The following UTRN variants were observed in gnomAD, a reference collection of about 807,000 sequenced individuals.
UTRN encodes the protein dystrophin-related protein 1.
Under a neutral mutation model 463.9 loss-of-function variants are expected in UTRN, and 283 were observed. The ratio of observed to expected loss-of-function variants is 0.61; its 90% CI spans 0.55 to 0.67. The LOEUF is 0.67. UTRN is among the 30% of genes least tolerant of loss of function. The pLI, the probability that UTRN is intolerant of heterozygous loss-of-function variation, is 0.00. For missense variants in UTRN, 3,922 were observed against 4,084.3 expected, an observed-to-expected ratio of 0.96 and a Z score of 1.08; for synonymous variants, 1,442 against 1,431.5, an observed-to-expected ratio of 1.01 and a Z score of -0.17.
chr6:144,673,814 A>G (rs1001765286), intron 51 of UTRN, among the ~76,000 whole-genome samples: 1 of 152,136 alleles, frequency 6.6e-6, no homozygotes, highest in Non-Finnish European at 1.5e-5. Flanking sequence ...AGCACCTTTT[A>G]TGATTTCTCG....
At chr6:144,439,723 G>C (rs1383635730) in intron 12 of UTRN, among the ~76,000 whole-genome samples, 1 of 152,098 alleles carries the variant, frequency 6.6e-6, no homozygotes, top group African/African-American at 2.4e-5. Context: ...GGCTGGTCTT[G>C]AACTCCTGAC....
chr6:144,636,911 T>C (rs1777232726), intron 51 of UTRN, among the ~76,000 whole-genome samples: 2 of 152,202 alleles, frequency 1.3e-5, no homozygotes, highest in South Asian at 4.1e-4. Context: ...GTTTTTTTTA[T>C]TGGTAACTAT....
intron 33 of UTRN, among the ~76,000 whole-genome samples, chr6:144,498,535 T>C (rs1362253279): frequency 6.6e-6 from 1 of 152,232 alleles, no homozygotes; most frequent in African/African-American, 2.4e-5. Context: ...TATAATACCG[T>C]ATTTTTCCTT....
At chr6:144,783,602 A>T (rs1015162402) in intron 61 of UTRN, among the ~76,000 whole-genome samples, 3 of 152,160 alleles carry the variant, frequency 2.0e-5, no homozygotes, top group African/African-American at 7.2e-5. Context: ...CCTCTGTTCT[A>T]TCTTTTGAAC....
intron 71 of UTRN, 143 bp from the exon 72 acceptor site, chr6:144,839,029 TA>T: frequency 1.7e-6 from 1 of 583,812 alleles, no homozygotes; most frequent in Non-Finnish European, 2.9e-6. Flanking sequence ...AAGCTGATGC[TA>T]AAATGTATGG....
At chr6:144,623,772 C>T (rs1301692949) in intron 51 of UTRN, among the ~76,000 whole-genome samples, 1 of 152,158 alleles carries the variant, frequency 6.6e-6, no homozygotes, top group Non-Finnish European at 1.5e-5. Flanking sequence ...CTTCATTCAA[C>T]AACAGGTTCT....
At chr6:144,431,382 G>A (rs1785825593) in intron 9 of UTRN, among the ~76,000 whole-genome samples, 1 of 152,188 alleles carries the variant, frequency 6.6e-6, no homozygotes, top group Admixed American at 6.5e-5. Flanking sequence ...TCATTTGCAA[G>A]CTTTCATTAG....
chr6:144,545,140 G>A (rs1463295699), intron 46 of UTRN, among the ~76,000 whole-genome samples: 2 of 152,090 alleles, frequency 1.3e-5, no homozygotes, highest in Non-Finnish European at 2.9e-5. Context: ...TCAGCAAGTA[G>A]CATCATTTCC....
At chr6:144,741,091 A>T (rs1239825737) in intron 54 of UTRN, among the ~76,000 whole-genome samples, 1 of 152,252 alleles carries the variant, frequency 6.6e-6, no homozygotes, top group Non-Finnish European at 1.5e-5. Context: ...GAAAACTGGA[A>T]TCTTCCAAGA....
chr6:144,529,057 A>G (rs1796808220), intron 41 of UTRN, among the ~76,000 whole-genome samples: 1 of 152,120 alleles, frequency 6.6e-6, no homozygotes, highest in Non-Finnish European at 1.5e-5. Flanking sequence ...GCTGCATCAC[A>G]CAGGTTGCCA....
At chr6:144,297,686 A>G (rs1804854068) in intron 2 of UTRN, among the ~76,000 whole-genome samples, 1 of 152,180 alleles carries the variant, frequency 6.6e-6, no homozygotes, top group African/African-American at 2.4e-5. Flanking sequence ...CCTGATGGAA[A>G]TTCAACTCTG....
At chr6:144,643,914 T>C (rs1341843251) in intron 51 of UTRN, among the ~76,000 whole-genome samples, 1 of 152,188 alleles carries the variant, frequency 6.6e-6, no homozygotes, top group Non-Finnish European at 1.5e-5. Flanking sequence ...ACCTGCACAA[T>C]TGAGTTCATG....
At chr6:144,413,747 T>C (rs961020893) in intron 3 of UTRN, among the ~76,000 whole-genome samples, 2 of 152,180 alleles carry the variant, frequency 1.3e-5, no homozygotes, top group Non-Finnish European at 2.9e-5. Context: ...TACTTGGTAG[T>C]GATAACCAAC....
intron 69 of UTRN, 94 bp from the exon 70 acceptor site, chr6:144,835,686 A>G: frequency 6.5e-7 from 1 of 1,539,102 alleles, no homozygotes; most frequent in Non-Finnish European, 8.8e-7. Flanking sequence ...TGGCCCAGCC[A>G]CTATCCTGTC....
chr6:144,614,203 G>A (rs1219062262), intron 51 of UTRN, among the ~76,000 whole-genome samples: 1 of 152,142 alleles, frequency 6.6e-6, no homozygotes, highest in Non-Finnish European at 1.5e-5. Flanking sequence ...AAAAGGTGCT[G>A]TGGGGAGGTG....
intron 37 of UTRN, among the ~76,000 whole-genome samples, chr6:144,515,261 C>T (rs1385002242): frequency 4.6e-5 from 7 of 152,036 alleles, no homozygotes; most frequent in Non-Finnish European, 8.8e-5. Flanking sequence ...GAGCATTTGT[C>T]CGTATTTATT....
chr6:144,748,975 CT>C (rs151144630), intron 55 of UTRN, among the ~76,000 whole-genome samples: 3,359 of 152,106 alleles, frequency 0.022, 121 homozygotes, highest in African/African-American at 0.077. Context: ...CTCGGTATCT[CT>C]TGTAAATTGG....
intron 58 of UTRN, among the ~76,000 whole-genome samples, chr6:144,766,602 A>T (rs1040508509): frequency 5.3e-5 from 8 of 151,984 alleles, no homozygotes; most frequent in African/African-American, 1.4e-4. Flanking sequence ...GGCACCATGG[A>T]GTTCATTGCT....
At chr6:144,586,040 T>C (rs1802432209) in intron 51 of UTRN, among the ~76,000 whole-genome samples, 1 of 152,150 alleles carries the variant, frequency 6.6e-6, no homozygotes, top group Admixed American at 6.6e-5. Context: ...ATTCTTTTTA[T>C]GTATTATTTG....
Sources: allele counts gnomAD v4.1 joint callset (sites outside exome capture counted in the v4.1 genomes callset), GRCh38; gene constraint gnomAD v4.1.1; transcripts MANE v1.5; gene names NCBI Gene and HGNC (gene_info 2026-07-23, HGNC 2026-07-21).